ESRRG: variants seen among roughly 807,000 people sequenced by gnomAD.
ESRRG encodes the protein estrogen-related receptor gamma.
A neutral mutation model predicts 44.0 loss-of-function variants in ESRRG; 13 were observed. The ratio of observed to expected loss-of-function variants is 0.30; its 90% CI spans 0.19 to 0.47. The LOEUF (loss-of-function observed/expected upper bound fraction) is 0.47. Ranked by LOEUF, ESRRG falls within the 20% of genes least tolerant of loss-of-function variation. ESRRG has a pLI of 1.00. For synonymous variants in ESRRG, 215 were observed against 214.6 expected (o/e 1.00, Z -0.02); for missense variants, 395 against 580.6 (o/e 0.68, Z 3.29).
At chr1:216,758,357 G>T (rs1247001130) in intron 2 of ESRRG, among the ~76,000 whole-genome samples, 1 of 152,066 alleles carries the variant, frequency 6.6e-6, no homozygotes, top group Non-Finnish European at 1.5e-5. Context: ...TTCGGCTGCA[G>T]TTAATCTTAA....
At chr1:217,061,663 GAA>G (rs150017047) in intron 1 of ESRRG, among the ~76,000 whole-genome samples, 2 of 152,074 alleles carry the variant, frequency 1.3e-5, no homozygotes, top group African/African-American at 4.8e-5. Context: ...TGCAGAAATA[GAA>G]AAACAAGGCC....
chr1:216,620,560 G>C (rs1470627677), intron 3 of ESRRG, among the ~76,000 whole-genome samples: 2 of 152,156 alleles, frequency 1.3e-5, no homozygotes, highest in African/African-American at 2.4e-5. Flanking sequence ...GTGACAATAA[G>C]CATGCACTTT....
chr1:216,821,061 G>T (rs2095275900), intron 2 of ESRRG, among the ~76,000 whole-genome samples: 2 of 152,182 alleles, frequency 1.3e-5, no homozygotes, highest in Non-Finnish European at 2.9e-5. Flanking sequence ...AGCTGCATGT[G>T]TGTTAATGTA....
rs146597981 is a variant in ESRRG at position 216,667,601 on chromosome 1, G to A, written c.472+9475C>T. Among the ~76,000 whole-genome samples the A allele has an allele frequency of 1.5e-3, 212 of 142,922 alleles. 4 individuals carry two copies. In the East Asian group the frequency reaches 0.03, roughly 20 times the overall value. 93.8% of individuals were successfully genotyped at this position (142,922 alleles called of 152,430 possible). A position where few individuals can be genotyped will look rare whatever the true frequency, so the allele number is the denominator to read the frequency against. ...CTCAGGAGGCTGAGGCACAAGAATC[G>A]CTTGAATCCGGGAGGCGGAGTTTGC... On this transcript the variant is annotated intron_variant, in intron 2 of 6. Coordinates refer to ENST00000408911, the MANE Select transcript of ESRRG (RefSeq NM_001438.4).
At chr1:216,770,412 T>C (rs2093333507) in intron 2 of ESRRG, among the ~76,000 whole-genome samples, 1 of 152,118 alleles carries the variant, frequency 6.6e-6, no homozygotes, top group Non-Finnish European at 1.5e-5. Flanking sequence ...TCTATAGATG[T>C]TTGCATCTCT....
chr1:216,631,526 G>C (rs574042407), intron 3 of ESRRG, among the ~76,000 whole-genome samples: 13 of 152,172 alleles, frequency 8.5e-5, no homozygotes, highest in African/African-American at 2.6e-4. Flanking sequence ...AACAGCCCAG[G>C]CTCTCTAAAC....
In ESRRG at chr1:216,710,041, C is replaced by T. The variant is rs140011415; in HGVS notation, c.56+13203G>A. On this transcript the variant is annotated intron_variant, in intron 1 of 6. Transcript: ENST00000408911. ...AAGAGAAAATGAGTGCATGCTCCCT[C>T]GCATGCCTTCTCTGCACCTAAACAG... Among the ~76,000 whole-genome samples, 677 of 152,292 alleles carry T rather than the reference C, an allele frequency of 4.4e-3. 5 individuals are homozygous for T. The highest frequency in any genetic ancestry group is 7.9e-3 in the Non-Finnish European group (535 of 68,012).
intron 2 of ESRRG, among the ~76,000 whole-genome samples, chr1:216,732,462 C>T (rs1324781599): frequency 6.6e-6 from 1 of 151,840 alleles, no homozygotes; most frequent in East Asian, 1.9e-4. Context: ...CTGCAAACTC[C>T]ACCTCCCGGA....
At chr1:216,606,131 C>T (rs55905741) in intron 3 of ESRRG, among the ~76,000 whole-genome samples, 2,363 of 152,204 alleles carry the variant, frequency 0.016, 80 homozygotes, top group African/African-American at 0.055. Context: ...CTTCACTGCC[C>T]ACCCCCAACC....
intron 1 of ESRRG, among the ~76,000 whole-genome samples, chr1:216,947,811 T>C (rs908023875): frequency 6.6e-6 from 1 of 152,176 alleles, no homozygotes; most frequent in African/African-American, 2.4e-5. Flanking sequence ...CAGCTAACCA[T>C]ATTCCAGCCA....
Position 216,523,490 on chromosome 1 carries a change from G to GTTTTT in ESRRG, c.863-4074_863-4070dup, listed in dbSNP as rs749747909. Among the ~76,000 whole-genome samples the GTTTTT allele has an allele frequency of 9.5e-5, 12 of 126,324 alleles. 1 individual carries two copies. Among genetic ancestry groups the GTTTTT allele is most frequent in the Admixed American group, 1.5e-4 (2 of 13,258 alleles). 82.9% of individuals were successfully genotyped at this position (126,324 alleles called of 152,430 possible). A position where few individuals can be genotyped will look rare whatever the true frequency, so the allele number is the denominator to read the frequency against. On this transcript the variant is annotated intron_variant, in intron 5 of 6. Coordinates refer to ENST00000408911, the MANE Select transcript of ESRRG (RefSeq NM_001438.4). Reference sequence around the variant, plus strand: ...GTGCCATGGGCACTCATCAAGCACTGTTTTTTTTTTTGTTTTTTTTTTTTT... The same window carrying GTTTTT: ...GTGCCATGGGCACTCATCAAGCACTGTTTTTTTTTTTTTTTTGTTTTTTTTTTTTT...
intron 5 of ESRRG, among the ~76,000 whole-genome samples, chr1:216,541,851 C>A (rs138102880): frequency 5.3e-4 from 81 of 151,892 alleles, no homozygotes; most frequent in African/African-American, 1.8e-3. Context: ...TCCTGAAAAT[C>A]GTGACTCACA....
At chr1:217,060,945 A>G (rs1479954860) in intron 1 of ESRRG, among the ~76,000 whole-genome samples, 1 of 151,796 alleles carries the variant, frequency 6.6e-6, no homozygotes, top group African/African-American at 2.4e-5. Flanking sequence ...ACTACTTTAT[A>G]TCCATTATTC....
rs141476130 is a variant in ESRRG, at chr1:217,003,768, A to G, written c.-105-64095T>C. ...TCAGATTACCCATAATATTTGTGTG[A>G]CTTCTAAGACTAGGTCAGATATGAG... On this transcript the variant is annotated intron_variant, in intron 1 of 7. Transcript: ENST00000359162. Among the ~76,000 whole-genome samples, 11 of 151,998 alleles carry G rather than the reference A, an allele frequency of 7.2e-5. No homozygotes were observed. The East Asian group carries it at 2.1e-3, about 29-fold the overall frequency.
chr1:216,961,624 C>G (rs1816565), intron 1 of ESRRG, among the ~76,000 whole-genome samples: 5 of 148,756 alleles, frequency 3.4e-5, no homozygotes, highest in Non-Finnish European at 3.0e-5. Context: ...ACTTGATACA[C>G]TGTTGATTAA....
At chr1:216,840,831 A>G (rs1287998997) in intron 2 of ESRRG, among the ~76,000 whole-genome samples, 1 of 152,182 alleles carries the variant, frequency 6.6e-6, no homozygotes, top group African/African-American at 2.4e-5. Flanking sequence ...TTGGTCTTAT[A>G]TGGGTATGGT....
At chr1:216,576,911 G>C (rs2061780583) in intron 3 of ESRRG, among the ~76,000 whole-genome samples, 1 of 151,934 alleles carries the variant, frequency 6.6e-6, no homozygotes. Context: ...AGTCTGGCAA[G>C]ACAGCCCTGA....
At chr1:216,865,286 A>G (rs1036674760) in intron 2 of ESRRG, 2 of 151,394 alleles carry the variant, frequency 1.3e-5, no homozygotes, top group Admixed American at 6.6e-5. Context: ...AGCACCTCAG[A>G]ACTTCCTTTG....
intron 6 of ESRRG, among the ~76,000 whole-genome samples, chr1:216,513,503 T>C (rs1286914937): frequency 6.6e-6 from 1 of 152,196 alleles, no homozygotes; most frequent in African/African-American, 2.4e-5. Context: ...TTAGTTTTTT[T>C]AGAAGGCCTG....
Sources: allele counts gnomAD v4.1 joint callset (sites outside exome capture counted in the v4.1 genomes callset), GRCh38; gene constraint gnomAD v4.1.1; transcripts MANE v1.5; gene names NCBI Gene and HGNC (gene_info 2026-07-23, HGNC 2026-07-21).